Variants in APMAP observed in about 807,000 individuals in gnomAD.
The protein encoded by APMAP is adipocyte plasma membrane associated protein.
In APMAP, 33 loss-of-function variants were observed where a neutral mutation model predicts 43.6. The observed-to-expected ratio is 0.76, with a 90% confidence interval of 0.57 to 1.01. The LOEUF (loss-of-function observed/expected upper bound fraction) is 1.01. APMAP is among the 50% of genes least tolerant of loss of function. APMAP has a pLI of 0.00. For synonymous variants in APMAP, 224 were observed against 216.7 expected (o/e 1.03, Z -0.30); for missense variants, 498 against 540.7 (o/e 0.92, Z 0.78).
chr20:24,967,721 C>A (rs952151226), intron 8 of APMAP, among the ~76,000 whole-genome samples: 1 of 152,210 alleles, frequency 6.6e-6, no homozygotes, highest in African/African-American at 2.4e-5. Context: ...CCTGAGGCAG[C>A]GAGTCCAAGT....
Position 24,970,268 on chromosome 20 carries a change from G to A in APMAP, c.642C>T (p.Phe214=), listed in dbSNP as rs771072492. The part of the protein sequence containing the change: ...TVTQDGRKIY[F]TDSSSKWQRR... ...TTTGCCATTTGCTGCTAGAATCGGT[G>A]AAATAAATCTTCCTCCCATCCTGAG... Residue 214 remains phenylalanine (F), a synonymous_variant, in exon 6 of 9, where the codon TTC becomes TTT. Transcript: ENST00000217456. 3 of 1,614,002 alleles carry A rather than the reference G, an allele frequency of 1.9e-6. No individual in the cohort carries two copies. The South Asian group carries it at 3.3e-5, about 18-fold the overall frequency.
chr20:24,978,727 C>A (rs768306749), intron 3 of APMAP, 40 bp downstream of exon 3: 3 of 1,157,222 alleles, frequency 2.6e-6, no homozygotes, highest in Non-Finnish European at 3.7e-6. Flanking sequence ...AGACAACAGA[C>A]AGCCTGGAAG....
At chr20:24,972,933 C>T (rs1255984060) in intron 4 of APMAP, among the ~76,000 whole-genome samples, 1 of 152,154 alleles carries the variant, frequency 6.6e-6, no homozygotes, top group African/African-American at 2.4e-5. Context: ...GGTTAAAGAA[C>T]TGATGTAGGG....
At position 24,963,731 on chromosome 20, in the gene APMAP, T is replaced by C; in HGVS notation, c.*82A>G. On this transcript the variant is annotated 3_prime_UTR_variant, in exon 9 of 9. Transcript: ENST00000217456. ...TGTGGACACTTGAACCACGACTGTG[T>C]CCACAGCTCCTCCTGGACCAGGCCT... 7.1e-7 allele frequency: 1 copy of C among 1,412,962 alleles called. No individual in the cohort carries two copies. The highest frequency in any genetic ancestry group is 9.9e-7 in the Non-Finnish European group (1 of 1,013,480). The allele number at this position is 1,412,962 out of a possible 1,614,324, so 87.5% of individuals were successfully genotyped here.
At chr20:24,978,479 C>G (rs986667318) in intron 3 of APMAP, among the ~76,000 whole-genome samples, 1 of 152,212 alleles carries the variant, frequency 6.6e-6, no homozygotes, top group African/African-American at 2.4e-5. Context: ...CTGTATTTGG[C>G]CTTTTTCCTT....
rs1411642314 is a variant in APMAP, at chr20:24,978,798, A to C, written c.297T>G (p.Leu99=). The part of the protein sequence containing the change: ...RQAERLFENQ[L]VGPESIAHIG... The stretch of plus-strand genomic sequence containing the variant: ...TATGTGCTATGGACTCCGGTCCAAC[A>C]AGTTGATTTTCAAACAGCCTTTCTG... The change falls in exon 3 of 9, where the codon CTT becomes CTG. Residue 99 remains leucine, a synonymous_variant. Coordinates refer to ENST00000217456, the MANE Select transcript of APMAP (RefSeq NM_020531.3). 2 of 1,587,456 alleles carry C rather than the reference A, an allele frequency of 1.3e-6. No homozygotes were observed. Among genetic ancestry groups the C allele is most frequent in the Non-Finnish European group, 1.7e-6 (2 of 1,164,270 alleles).
At chr20:24,984,143 C>G in intron 1 of APMAP, 124 bp from the exon 2 acceptor site, 1 of 661,998 alleles carries the variant, frequency 1.5e-6, no homozygotes. Flanking sequence ...GCAAGCTGGC[C>G]GACCTCTGGC....
chr20:24,969,198 T>A, intron 7 of APMAP, 114 bp from the exon 8 acceptor site: 1 of 1,099,908 alleles, frequency 9.1e-7, no homozygotes, highest in Non-Finnish European at 1.3e-6. Context: ...AAGTGCTCTA[T>A]GACCATCATG....
chr20:24,969,933 G>A (rs1198388430), intron 6 of APMAP, among the ~76,000 whole-genome samples: 1 of 152,224 alleles, frequency 6.6e-6, no homozygotes, highest in Admixed American at 6.5e-5. Flanking sequence ...CAAAGCCCAG[G>A]CCTGCCTCCG....
chr20:24,988,790 A>G (rs552222230), intron 1 of APMAP, among the ~76,000 whole-genome samples: 31 of 152,332 alleles, frequency 2.0e-4, no homozygotes, highest in Admixed American at 2.0e-3. Flanking sequence ...CCTCCACTGG[A>G]AAGTTCTGTG....
At chr20:24,966,884 T>A (rs532998330) in intron 8 of APMAP, among the ~76,000 whole-genome samples, 2 of 152,244 alleles carry the variant, frequency 1.3e-5, no homozygotes, top group East Asian at 3.9e-4. Flanking sequence ...TGCTCAGGCA[T>A]CTGCAGTGAG....
intron 2 of APMAP, among the ~76,000 whole-genome samples, chr20:24,982,291 G>A (rs6138450): frequency 1.3e-4 from 2 of 15,650 alleles, no homozygotes; most frequent in Non-Finnish European, 1.9e-4. Flanking sequence ...CTGCCATTCC[G>A]AAAGCTGAGC....
chr20:24,968,928 T>C lies in APMAP; in HGVS notation c.1005A>G (p.Leu335=), dbSNP rs1343709305. Residue 335 remains leucine, a synonymous_variant, in exon 8 of 9, where the codon TTA becomes TTG. Transcript: ENST00000217456. ...TCCTTTTAATCCAGGGTCTCTCAGA[T>C]AAGAAATCCAGCATGGAAAACCCAG... The part of the protein sequence containing the change: ...PNPGFSMLDF[L]SERPWIKRMI... 6.2e-7 allele frequency: 1 copy of C among 1,609,748 alleles called. No individual in the cohort carries two copies. Among genetic ancestry groups the C allele is most frequent in the Admixed American group, 1.7e-5 (1 of 59,110 alleles).
chr20:24,973,440 G>A (rs1351800529), intron 4 of APMAP, among the ~76,000 whole-genome samples: 1 of 152,158 alleles, frequency 6.6e-6, no homozygotes. Context: ...TGCAAAATGG[G>A]GACTGTAGGT....
intron 4 of APMAP, among the ~76,000 whole-genome samples, chr20:24,972,256 A>C (rs548880169): frequency 1.2e-3 from 168 of 139,752 alleles, no homozygotes; most frequent in African/African-American, 4.4e-3. Flanking sequence ...TGCTCACTGC[A>C]GGTGCTTATT....
chr20:24,978,988 C>A, intron 2 of APMAP, 106 bp from the exon 3 acceptor site: 1 of 839,378 alleles, frequency 1.2e-6, no homozygotes, highest in African/African-American at 1.7e-5. Context: ...CACTTTCTAA[C>A]AACATCCTCA....
chr20:24,970,843 T>C (rs1376362067), intron 5 of APMAP, among the ~76,000 whole-genome samples: 1 of 152,046 alleles, frequency 6.6e-6, no homozygotes, highest in African/African-American at 2.4e-5. Context: ...TGACCCCAAT[T>C]TGATGAGGAA....
At chr20:24,986,570 G>A (rs990301990) in intron 1 of APMAP, among the ~76,000 whole-genome samples, 3 of 152,186 alleles carry the variant, frequency 2.0e-5, no homozygotes, top group Non-Finnish European at 2.9e-5. Flanking sequence ...ACAGAACTAC[G>A]ACCTGACATG....
intron 1 of APMAP, among the ~76,000 whole-genome samples, chr20:24,989,787 A>T (rs1211003365): frequency 6.6e-6 from 1 of 152,216 alleles, no homozygotes; most frequent in African/African-American, 2.4e-5. Context: ...ACCTGGGGCA[A>T]AGCTGAGACA....
Sources: allele counts gnomAD v4.1 joint callset (sites outside exome capture counted in the v4.1 genomes callset), GRCh38; gene constraint gnomAD v4.1.1; transcripts MANE v1.5; gene names NCBI Gene and HGNC (gene_info 2026-07-23, HGNC 2026-07-21).